The following COL5A2 variants were observed in gnomAD, a reference collection of about 807,000 sequenced individuals.
COL5A2 encodes collagen type V alpha 2 chain.
In COL5A2, 23 loss-of-function variants were observed where a neutral mutation model predicts 208.2. The observed-to-expected ratio is 0.11, with a 90% CI of 0.08 to 0.16. The LOEUF (loss-of-function observed/expected upper bound fraction) is 0.16, where lower values mean the gene tolerates loss of function less well. COL5A2 is among the 10% of genes least tolerant of loss of function. The pLI is 1.00. For missense variants in COL5A2, 1,590 were observed against 1,956.4 expected (o/e 0.81, Z 3.53); for synonymous variants, 625 against 628.5 (o/e 0.99, Z 0.08).
the COL5A2 span, among the ~76,000 whole-genome samples, chr2:189,369,048 A>G: frequency 6.6e-6 from 1 of 152,194 alleles, no homozygotes; most frequent in African/African-American, 2.4e-5. Flanking sequence ...AGCAAATAAT[A>G]ACACTAAATG....
At chr2:189,053,831 C>G in intron 37 of COL5A2, 64 bp downstream of exon 37, 1 of 1,350,958 alleles carries the variant, frequency 7.4e-7, no homozygotes, top group East Asian at 2.4e-5. Flanking sequence ...AATATAAAAA[C>G]AAAATGATTA....
At chr2:189,227,297 CATAA>C (rs1193905623), upstream of COL5A2, among the ~76,000 whole-genome samples, 1 of 152,130 alleles carries the variant, frequency 6.6e-6, no homozygotes, top group East Asian at 1.9e-4. Context: ...AAATAAACAT[CATAA>C]ATAAAGATGC....
intron 1 of COL5A2, among the ~76,000 whole-genome samples, chr2:189,176,695 C>T (rs1397360117): frequency 6.6e-6 from 1 of 151,400 alleles, no homozygotes; most frequent in African/African-American, 2.4e-5. Context: ...TGCACACACA[C>T]TCTCACCACA....
chr2:189,092,541 T>C (rs1686811048), intron 6 of COL5A2, 121 bp from the exon 7 acceptor site: 2 of 720,616 alleles, frequency 2.8e-6, no homozygotes, highest in African/African-American at 3.5e-5. Flanking sequence ...CATGGCAATC[T>C]AGCCACTTAG....
At chr2:189,306,026 T>C in the COL5A2 span, among the ~76,000 whole-genome samples, 2 of 152,164 alleles carry the variant, frequency 1.3e-5, no homozygotes, top group Admixed American at 1.3e-4. Flanking sequence ...TGAAGGACTA[T>C]TGAATCGAAG....
Position 189,149,406 on chromosome 2 carries a change from T to C in COL5A2, c.97+30102A>G, listed in dbSNP as rs150703379. Among the ~76,000 whole-genome samples, 957 of 152,330 alleles carry C rather than the reference T, an allele frequency of 6.3e-3. 14 individuals are homozygous for C. The highest frequency in any genetic ancestry group is 0.02 in the African/African-American group (847 of 41,586). ...TAATATCTGATTGATAACTAAAACT[T>C]TGGCCTCCACCATCTAAAAGAAATT... On this transcript the variant is annotated intron_variant, in intron 1 of 53. Coordinates refer to ENST00000374866, the MANE Select transcript of COL5A2 (RefSeq NM_000393.5).
At chr2:189,427,421 C>T in the COL5A2 span, among the ~76,000 whole-genome samples, 3,834 of 152,316 alleles carry the variant, frequency 0.025, 175 homozygotes, top group African/African-American at 0.088. Context: ...AGAGCCCTCA[C>T]GGAGACCCTT....
the COL5A2 span, among the ~76,000 whole-genome samples, chr2:189,399,203 G>A: frequency 6.6e-6 from 1 of 151,424 alleles, no homozygotes; most frequent in Non-Finnish European, 1.5e-5. Context: ...CAGATCTCCT[G>A]AAGATAAATT....
chr2:189,296,843 T>C, the COL5A2 span, among the ~76,000 whole-genome samples: 2 of 152,198 alleles, frequency 1.3e-5, no homozygotes. Flanking sequence ...TCTGCATATG[T>C]GCAGTTGAAA....
chr2:189,381,708 T>C, the COL5A2 span, among the ~76,000 whole-genome samples: 8 of 152,090 alleles, frequency 5.3e-5, no homozygotes, highest in African/African-American at 1.9e-4. Context: ...TATGGAAAGA[T>C]TGTGCAGTAA....
At chr2:189,312,013 G>A in the COL5A2 span, 1 of 752,224 alleles carries the variant, frequency 1.3e-6, no homozygotes, top group Non-Finnish European at 2.4e-6. Context: ...TCCACAGACT[G>A]GCACATGGCC....
At chr2:189,078,832 G>C (rs1686471254) in intron 15 of COL5A2, among the ~76,000 whole-genome samples, 1 of 152,124 alleles carries the variant, frequency 6.6e-6, no homozygotes, top group Non-Finnish European at 1.5e-5. Context: ...TATAGAAAAA[G>C]AATAAGGGCA....
At chr2:189,343,293 C>G in the COL5A2 span, among the ~76,000 whole-genome samples, 1 of 152,082 alleles carries the variant, frequency 6.6e-6, no homozygotes, top group East Asian at 1.9e-4. Context: ...CAGAAATTCT[C>G]TGGCACATTT....
At chr2:189,225,919 A>G (rs1689410807), upstream of COL5A2, among the ~76,000 whole-genome samples, 1 of 152,136 alleles carries the variant, frequency 6.6e-6, no homozygotes, top group Non-Finnish European at 1.5e-5. Flanking sequence ...CAGACTCTGA[A>G]GTTGAACTGC....
At chr2:189,363,688 C>G in the COL5A2 span, among the ~76,000 whole-genome samples, 1 of 152,174 alleles carries the variant, frequency 6.6e-6, no homozygotes, top group African/African-American at 2.4e-5. Flanking sequence ...GAAAGATTAT[C>G]AAATAACAGA....
At chr2:189,201,203 C>T (rs1478486522) in intron 1 of COL5A2, among the ~76,000 whole-genome samples, 1 of 151,908 alleles carries the variant, frequency 6.6e-6, no homozygotes, top group Non-Finnish European at 1.5e-5. Flanking sequence ...TGGAAAAATA[C>T]TGTTGGAAAG....
chr2:189,249,524 T>C, the COL5A2 span, among the ~76,000 whole-genome samples: 4 of 152,248 alleles, frequency 2.6e-5, no homozygotes, highest in African/African-American at 9.6e-5. Flanking sequence ...GCAATTTTAT[T>C]CCAGAGTTCC....
At chr2:189,104,351 C>A in intron 2 of COL5A2, 74 bp from the exon 3 acceptor site, 1 of 1,023,700 alleles carries the variant, frequency 9.8e-7, no homozygotes, top group Non-Finnish European at 1.5e-6. Flanking sequence ...TATTTACTTT[C>A]AATAATAGAT....
rs752250077 is a variant in COL5A2, at chr2:189,063,292, T to C, written c.1771-22A>G. On this transcript the variant is annotated intron_variant, in intron 26 of 53. Coordinates refer to ENST00000374866, the MANE Select transcript of COL5A2 (RefSeq NM_000393.5). ...CACCCTATAGAATTGACAGGAGCCA[T>C]GTAAGTTTCATGTAAGTTGTTTCTA... The C allele has an allele frequency of 3.8e-6, 6 of 1,596,342 alleles. No individual in the cohort carries two copies. The Admixed American group carries it at 6.7e-5, about 18-fold the overall frequency.
Sources: gnomAD v4.1 joint callset for allele counts (sites outside exome capture counted in the v4.1 genomes callset) on GRCh38, gnomAD v4.1.1 for gene constraint, MANE v1.5 for transcripts, NCBI Gene and HGNC (gene_info 2026-07-23, HGNC 2026-07-21) for gene names.